Variants in AFG2A observed in about 807,000 individuals in gnomAD.
AFG2A encodes ATPase family gene 2 protein homolog A.
chr4:123,079,745 C>CT, the AFG2A span, among the ~76,000 whole-genome samples: 54,246 of 74,070 alleles, frequency 0.73, 21,020 homozygotes, highest in East Asian at 0.87. Flanking sequence ...TCTTTTCCTT[C>CT]TTTTTTTTTT....
chr4:123,156,576 A>G, the AFG2A span, among the ~76,000 whole-genome samples: 39 of 152,070 alleles, frequency 2.6e-4, no homozygotes, highest in African/African-American at 9.2e-4. Flanking sequence ...CAGATTGGAA[A>G]CCCTCAACTT....
the AFG2A span, chr4:123,313,835 G>C: frequency 6.9e-7 from 1 of 1,458,674 alleles, no homozygotes; most frequent in South Asian, 1.5e-5. Flanking sequence ...GTTTCTAAAA[G>C]AGTACTGATT....
the AFG2A span, among the ~76,000 whole-genome samples, chr4:123,291,803 C>T: frequency 2.0e-5 from 3 of 152,144 alleles, no homozygotes; most frequent in Non-Finnish European, 4.4e-5. Flanking sequence ...CTTAGAATTC[C>T]TTCATTCACA....
At chr4:123,279,723 T>C in the AFG2A span, among the ~76,000 whole-genome samples, 4 of 152,180 alleles carry the variant, frequency 2.6e-5, no homozygotes, top group African/African-American at 7.2e-5. Flanking sequence ...AAAATGGAAG[T>C]GACTGTCCAA....
chr4:123,231,603 T>C, the AFG2A span, among the ~76,000 whole-genome samples: 3 of 152,016 alleles, frequency 2.0e-5, no homozygotes, highest in Non-Finnish European at 4.4e-5. Context: ...CAAGAGTTTT[T>C]CCTTAGCATT....
the AFG2A span, among the ~76,000 whole-genome samples, chr4:123,082,963 A>G: frequency 3.9e-5 from 6 of 152,080 alleles, no homozygotes; most frequent in Non-Finnish European, 7.4e-5. Context: ...ACACTTTTTA[A>G]TTGTTGATAT....
the AFG2A span, among the ~76,000 whole-genome samples, chr4:123,033,031 CT>C: frequency 3.9e-5 from 6 of 152,182 alleles, no homozygotes; most frequent in Admixed American, 3.9e-4. Flanking sequence ...CAAGGAGCAT[CT>C]GTAATTACTA....
the AFG2A span, among the ~76,000 whole-genome samples, chr4:123,150,594 C>T: frequency 5.3e-5 from 8 of 152,100 alleles, no homozygotes; most frequent in Admixed American, 1.3e-4. Context: ...GAACTACAAA[C>T]CACTGCTCAA....
At chr4:123,221,057 T>C in the AFG2A span, among the ~76,000 whole-genome samples, 2 of 152,236 alleles carry the variant, frequency 1.3e-5, no homozygotes, top group Non-Finnish European at 2.9e-5. Context: ...GCCTGTCTAG[T>C]TGGTAGCCAC....
chr4:122,977,881 G>A, the AFG2A span, among the ~76,000 whole-genome samples: 1 of 152,186 alleles, frequency 6.6e-6, no homozygotes, highest in Non-Finnish European at 1.5e-5. Context: ...CCTGGAGGGG[G>A]TAGCTGCTGT....
At chr4:123,170,619 T>G in the AFG2A span, among the ~76,000 whole-genome samples, 2 of 152,164 alleles carry the variant, frequency 1.3e-5, no homozygotes, top group Non-Finnish European at 2.9e-5. Flanking sequence ...GTAAAGGCTA[T>G]TTGTTCCTTT....
chr4:122,973,414 A>T, the AFG2A span, among the ~76,000 whole-genome samples: 1 of 151,024 alleles, frequency 6.6e-6, no homozygotes. Flanking sequence ...ATCTTAAAAT[A>T]CTTAGGTTTA....
At chr4:123,102,635 A>G in the AFG2A span, among the ~76,000 whole-genome samples, 3 of 152,068 alleles carry the variant, frequency 2.0e-5, no homozygotes, top group Admixed American at 1.3e-4. Flanking sequence ...TAATGCTCCT[A>G]GAATCTCATG....
At chr4:123,047,615 C>T in the AFG2A span, among the ~76,000 whole-genome samples, 1 of 151,722 alleles carries the variant, frequency 6.6e-6, no homozygotes, top group Non-Finnish European at 1.5e-5. Context: ...GAGGTCTTGC[C>T]CAGACCACTG....
At chr4:123,232,215 C>G in the AFG2A span, among the ~76,000 whole-genome samples, 1 of 151,792 alleles carries the variant, frequency 6.6e-6, no homozygotes, top group Admixed American at 6.6e-5. Context: ...TAGATGATAT[C>G]TAAAGTCAAA....
chr4:123,248,306 A>G, the AFG2A span, among the ~76,000 whole-genome samples: 11 of 152,304 alleles, frequency 7.2e-5, no homozygotes, highest in African/African-American at 2.2e-4. Context: ...TGGATTTTAC[A>G]TACTACTGCT....
At chr4:123,157,750 A>G in the AFG2A span, among the ~76,000 whole-genome samples, 5,574 of 152,268 alleles carry the variant, frequency 0.037, 337 homozygotes, top group African/African-American at 0.13. Flanking sequence ...AATGTGTGGT[A>G]TTTCCTAAAA....
the AFG2A span, chr4:122,927,625 C>G: frequency 6.3e-7 from 1 of 1,592,658 alleles, no homozygotes; most frequent in Non-Finnish European, 8.5e-7. Context: ...ATTTTCTTTT[C>G]CTTCATAGTA....
chr4:123,244,718 G>T, the AFG2A span, among the ~76,000 whole-genome samples: 1 of 152,176 alleles, frequency 6.6e-6, no homozygotes, highest in East Asian at 1.9e-4. Context: ...TCGTTTATAT[G>T]TAATGAGTTA....
Sources: allele counts gnomAD v4.1 joint callset (sites outside exome capture counted in the v4.1 genomes callset), GRCh38; gene constraint gnomAD v4.1.1; transcripts MANE v1.5; gene names NCBI Gene and HGNC (gene_info 2026-07-23, HGNC 2026-07-21).